The following ANKRD31 variants were observed in gnomAD, a reference collection of about 807,000 sequenced individuals.
The protein encoded by ANKRD31 is ankyrin repeat domain-containing protein 31.
Under a neutral mutation model 186.0 loss-of-function variants are expected in ANKRD31, and 147 were observed. The observed-to-expected ratio is 0.79, with a 90% CI of 0.69 to 0.91. ANKRD31 has a LOEUF of 0.91. Among genes scored for constraint, ANKRD31 ranks in the 40% least tolerant of loss-of-function variants. The pLI, the probability that ANKRD31 is intolerant of heterozygous loss-of-function variation, is 0.00. For synonymous variants in ANKRD31, 673 were observed against 736.4 expected, an observed-to-expected ratio of 0.91 and a Z score of 1.39; for missense variants, 1,986 against 2,148.8, an observed-to-expected ratio of 0.92 and a Z score of 1.50.
intron 22 of ANKRD31, among the ~76,000 whole-genome samples, chr5:75,102,287 T>C (rs763088628): frequency 1.3e-5 from 2 of 152,194 alleles, no homozygotes; most frequent in African/African-American, 4.8e-5. Context: ...TGATCCTTCC[T>C]CTGGAAGCTT....
intron 10 of ANKRD31, 85 bp from the exon 11 acceptor site, chr5:75,169,206 C>G (rs1371603791): frequency 1.4e-6 from 2 of 1,421,362 alleles, no homozygotes; most frequent in African/African-American, 2.9e-5. Context: ...AACTTTGATT[C>G]TAAGTTCTTT....
Position 75,146,318 on chromosome 5 carries a change from G to T in ANKRD31, c.3093C>A (p.Phe1031Leu). The T allele has an allele frequency of 1.3e-6, 2 of 1,536,450 alleles. No individual in the cohort carries two copies. Among genetic ancestry groups the T allele is most frequent in the East Asian group, 4.9e-5 (2 of 40,868 alleles). Residue 1031 changes from phenylalanine (F) to leucine (L), a missense_variant, in exon 14 of 26, where the codon TTC becomes TTA. By Grantham distance (22) the Phe-to-Leu change is conservative (BLOSUM62 0). Transcript: ENST00000506364. The part of the protein sequence containing the change: ...ASKLTNHVEL[F>L]KKPQDYIPRA... ...TGGGAATATAATCCTGTGGCTTTTT[G>T]AATAGCTCCACATGATTAGTCAACT...
At chr5:75,069,433 C>T (rs1312155459) in intron 25 of ANKRD31, among the ~76,000 whole-genome samples, 1 of 107,202 alleles carries the variant, frequency 9.3e-6, no homozygotes, top group Non-Finnish European at 2.1e-5. Context: ...TGTTTTCAAC[C>T]TCCTGATTTG....
chr5:75,186,766 T>C (rs1754740492), intron 10 of ANKRD31, among the ~76,000 whole-genome samples: 1 of 152,220 alleles, frequency 6.6e-6, no homozygotes, highest in African/African-American at 2.4e-5. Flanking sequence ...TGAGGACTTA[T>C]AAAATTCAAA....
chr5:75,236,818 AC>A lies in ANKRD31; in HGVS notation c.-133del. The A allele has an allele frequency of 2.5e-6, 2 of 799,936 alleles. No homozygotes were observed. Among genetic ancestry groups the A allele is most frequent in the East Asian group, 6.0e-5 (2 of 33,200 alleles). 49.6% of individuals were successfully genotyped at this position (799,936 alleles called of 1,614,324 possible). A position where few individuals can be genotyped will look rare whatever the true frequency, so the allele number is the denominator to read the frequency against. ...TAATATAATCGCAGCAGGAGCCGGG[AC>A]TTGTCGCAGGGCTGCTGAGGAGGAC... On this transcript the variant is annotated 5_prime_UTR_variant, in exon 1 of 26. Coordinates refer to ENST00000506364, the MANE Select transcript of ANKRD31 (RefSeq NM_001372053.1).
chr5:75,137,841 T>C lies in ANKRD31; in HGVS notation c.3876+15A>G. The C allele has an allele frequency of 6.9e-7, 1 of 1,449,662 alleles. No homozygotes were observed. The highest frequency in any genetic ancestry group is 9.0e-7 in the Non-Finnish European group (1 of 1,105,940). 89.8% of individuals were successfully genotyped at this position (1,449,662 alleles called of 1,614,324 possible). A position where few individuals can be genotyped will look rare whatever the true frequency, so the allele number is the denominator to read the frequency against. On this transcript the variant is annotated intron_variant, in intron 17 of 25. Coordinates refer to ENST00000506364, the MANE Select transcript of ANKRD31 (RefSeq NM_001372053.1). ...AAGAAAAAGTAGTAAGATCTTAATG[T>C]GATGTGCACTGTACCTTTAAATGAT...
chr5:75,232,267 G>A (rs1757996129), intron 1 of ANKRD31, among the ~76,000 whole-genome samples: 1 of 151,994 alleles, frequency 6.6e-6, no homozygotes, highest in African/African-American at 2.4e-5. Context: ...TTTTTTGTTT[G>A]TTTGTTTTTT....
chr5:75,226,171 GT>G (rs889051022), intron 2 of ANKRD31, among the ~76,000 whole-genome samples: 10 of 152,182 alleles, frequency 6.6e-5, no homozygotes, highest in Non-Finnish European at 1.5e-4. Flanking sequence ...AATTTCTAAG[GT>G]TTTTGATTCC....
In ANKRD31 at chr5:75,147,415, C is replaced by G; in HGVS notation, c.1996G>C (p.Gly666Arg). ...TTTATAAATAAACTCGCTTTGCTTC[C>G]TTTATTGACTTTTACATGTTCCAGC... ...QKLEHVKVNKGSKASLFINKE... is the reference protein window; with the variant it reads ...QKLEHVKVNKRSKASLFINKE... Residue 666 changes from glycine to arginine, a missense_variant, in exon 14 of 26, where the codon GGA becomes CGA. Physicochemically the swap from Gly to Arg is moderately radical, Grantham distance 125. Transcript: ENST00000506364. 1 of 1,519,486 alleles carries G rather than the reference C, an allele frequency of 6.6e-7. No individual in the cohort carries two copies. Among genetic ancestry groups the G allele is most frequent in the Non-Finnish European group, 8.8e-7 (1 of 1,140,488 alleles). 94.1% of individuals were successfully genotyped at this position (1,519,486 alleles called of 1,614,324 possible). A position where few individuals can be genotyped will look rare whatever the true frequency, so the allele number is the denominator to read the frequency against.
intron 10 of ANKRD31, among the ~76,000 whole-genome samples, chr5:75,177,881 C>T (rs779332124): frequency 6.6e-6 from 1 of 152,080 alleles, no homozygotes; most frequent in Non-Finnish European, 1.5e-5. Flanking sequence ...TCAGACATAA[C>T]AATATTAACC....
intron 12 of ANKRD31, among the ~76,000 whole-genome samples, chr5:75,151,989 A>G (rs1415874233): frequency 6.6e-6 from 1 of 152,042 alleles, no homozygotes; most frequent in Non-Finnish European, 1.5e-5. Flanking sequence ...GAATGAATGA[A>G]TGAATGACTC....
intron 10 of ANKRD31, among the ~76,000 whole-genome samples, chr5:75,185,011 T>C (rs1754601192): frequency 6.6e-6 from 1 of 152,112 alleles, no homozygotes; most frequent in South Asian, 2.1e-4. Context: ...ATGTATACAA[T>C]GGAATACTAT....
chr5:75,230,797 T>C (rs1171827635), intron 1 of ANKRD31, among the ~76,000 whole-genome samples, 162 bp from the exon 2 acceptor site: 1 of 152,200 alleles, frequency 6.6e-6, no homozygotes, highest in Non-Finnish European at 1.5e-5. Flanking sequence ...TACATTTTGA[T>C]TGAAAACACA....
At chr5:75,180,098 C>G (rs1754168186) in intron 10 of ANKRD31, among the ~76,000 whole-genome samples, 1 of 152,140 alleles carries the variant, frequency 6.6e-6, no homozygotes, top group Admixed American at 6.5e-5. Flanking sequence ...AACAGACAAA[C>G]AGAGAGCCAA....
chr5:75,084,959 C>A (rs1203314248), intron 23 of ANKRD31, among the ~76,000 whole-genome samples: 1 of 152,072 alleles, frequency 6.6e-6, no homozygotes, highest in Non-Finnish European at 1.5e-5. Context: ...CACAAAAAGG[C>A]AGGGATGAGG....
At chr5:75,160,221 T>G (rs1752480377) in intron 11 of ANKRD31, among the ~76,000 whole-genome samples, 1 of 152,112 alleles carries the variant, frequency 6.6e-6, no homozygotes, top group Non-Finnish European at 1.5e-5. Context: ...AAAAATAATT[T>G]TGTTATACGG....
chr5:75,109,429 T>C (rs932429185), intron 20 of ANKRD31, among the ~76,000 whole-genome samples: 6 of 151,946 alleles, frequency 3.9e-5, no homozygotes, highest in African/African-American at 1.5e-4. Flanking sequence ...GGAGGGTGAG[T>C]CTGAAAAAAG....
At chr5:75,231,539 CA>C (rs1757950765) in intron 1 of ANKRD31, among the ~76,000 whole-genome samples, 1 of 151,996 alleles carries the variant, frequency 6.6e-6, no homozygotes, top group African/African-American at 2.4e-5. Context: ...TGCTATTAGG[CA>C]AACTAAAATA....
At chr5:75,169,847 C>T (rs1476057607) in intron 10 of ANKRD31, among the ~76,000 whole-genome samples, 1 of 152,084 alleles carries the variant, frequency 6.6e-6, no homozygotes, top group South Asian at 2.1e-4. Flanking sequence ...AGAATGTTTA[C>T]CAGCATCCCT....
Sources: allele counts gnomAD v4.1 joint callset (sites outside exome capture counted in the v4.1 genomes callset), GRCh38; gene constraint gnomAD v4.1.1; transcripts MANE v1.5; gene names NCBI Gene and HGNC (gene_info 2026-07-23, HGNC 2026-07-21).